Variants in NREP observed in about 807,000 individuals in gnomAD.
The protein encoded by NREP is neuronal regeneration related protein, also known as neuronal regeneration-related protein.
NREP carries 5 observed loss-of-function variants against 8.6 expected under a neutral mutation model. The ratio of observed to expected loss-of-function variants is 0.58; its 90% CI spans 0.30 to 1.22. NREP has a LOEUF of 1.22. NREP is among the 50% of genes most tolerant of loss of function. The pLI, the probability that NREP is intolerant of heterozygous loss-of-function variation, is 0.07. For synonymous variants in NREP, 27 were observed against 28.0 expected (o/e 0.96, Z 0.11); for missense variants, 86 against 82.5 (o/e 1.04, Z -0.17).
chr5:111,770,517 G>A (rs760563930), intron 2 of NREP, among the ~76,000 whole-genome samples: 1 of 141,726 alleles, frequency 7.1e-6, no homozygotes, highest in Non-Finnish European at 1.5e-5. Context: ...TACAGTTTAG[G>A]AATAAAAAAT....
At chr5:111,920,426 C>T (rs1480994082) in intron 2 of NREP, among the ~76,000 whole-genome samples, 1 of 152,066 alleles carries the variant, frequency 6.6e-6, no homozygotes, top group Non-Finnish European at 1.5e-5. Context: ...GCCCTGCATG[C>T]ATTAGCTATT....
chr5:111,795,004 A>G (rs1456479043), intron 2 of NREP, among the ~76,000 whole-genome samples: 1 of 151,294 alleles, frequency 6.6e-6, no homozygotes, highest in Non-Finnish European at 1.5e-5. Flanking sequence ...CTAAAAAAAA[A>G]AAAAAAAGAA....
chr5:111,840,398 T>C (rs961129531), intron 2 of NREP, among the ~76,000 whole-genome samples: 2 of 152,096 alleles, frequency 1.3e-5, no homozygotes, highest in African/African-American at 4.8e-5. Flanking sequence ...ACAGCTACCA[T>C]AGCCATTATG....
intron 2 of NREP, among the ~76,000 whole-genome samples, chr5:111,792,096 T>C (rs1415554933): frequency 6.6e-6 from 1 of 152,210 alleles, no homozygotes. Flanking sequence ...AACTATCTGT[T>C]TCTCTGGAAG....
rs909311852 is a variant in NREP at position 111,928,737 on chromosome 5, A to G, written c.135+46537T>C. On this transcript the variant is annotated intron_variant, in intron 2 of 3. Coordinates refer to the NREP transcript ENST00000395634. ...AATTTAGGATAAGTGAAGTGGGAGG[A>G]AGTCAGCTGCAAAAGGGGAAATGGG... is the stretch of plus-strand genomic sequence containing the variant. Among the ~76,000 whole-genome samples the G allele has an allele frequency of 2.9e-4, 44 of 152,154 alleles. 1 individual carries two copies. The highest frequency in any genetic ancestry group is 1.0e-3 in the African/African-American group (43 of 41,444).
intron 2 of NREP, among the ~76,000 whole-genome samples, chr5:111,954,908 A>C (rs1361472258): frequency 2.6e-5 from 4 of 152,222 alleles, no homozygotes; most frequent in Non-Finnish European, 4.4e-5. Context: ...CCCTTGTTGC[A>C]CATGACTCAT....
intron 2 of NREP, among the ~76,000 whole-genome samples, chr5:111,970,564 G>T (rs1275256567): frequency 1.3e-5 from 2 of 152,036 alleles, no homozygotes; most frequent in Non-Finnish European, 2.9e-5. Flanking sequence ...GGTGGCTTAT[G>T]CCCGTAATCC....
chr5:111,876,638 T>C (rs1405086785), intron 2 of NREP, among the ~76,000 whole-genome samples: 1 of 152,228 alleles, frequency 6.6e-6, no homozygotes, highest in Non-Finnish European at 1.5e-5. Flanking sequence ...AAGACCATCA[T>C]CATTCTCTTA....
At chr5:111,923,649 G>A (rs1304806650) in intron 2 of NREP, among the ~76,000 whole-genome samples, 1 of 152,158 alleles carries the variant, frequency 6.6e-6, no homozygotes, top group Non-Finnish European at 1.5e-5. Flanking sequence ...GGCCACTGCT[G>A]CAACTGCCCA....
chr5:111,847,092 T>C (rs574083323), intron 2 of NREP, among the ~76,000 whole-genome samples: 4 of 151,664 alleles, frequency 2.6e-5, no homozygotes, highest in Non-Finnish European at 1.5e-5. Context: ...ACACATATTT[T>C]AAAATGAAGA....
intron 2 of NREP, among the ~76,000 whole-genome samples, chr5:111,782,258 G>A (rs192273904): frequency 2.0e-5 from 3 of 152,104 alleles, no homozygotes; most frequent in African/African-American, 4.8e-5. Flanking sequence ...CACATGTAGA[G>A]TACAAAAAGT....
chr5:111,870,552 T>A (rs1438269104), intron 2 of NREP, among the ~76,000 whole-genome samples: 1 of 152,236 alleles, frequency 6.6e-6, no homozygotes, highest in African/African-American at 2.4e-5. Context: ...CTTCGGTATG[T>A]CTGGATTGGT....
rs112632103 is a variant in NREP at position 111,952,458 on chromosome 5, T to C, written c.135+22816A>G. Among the ~76,000 whole-genome samples the C allele has an allele frequency of 7.1e-4, 108 of 152,282 alleles. 1 individual carries two copies. Among genetic ancestry groups the C allele is most frequent in the African/African-American group, 2.6e-3 (106 of 41,562 alleles). On this transcript the variant is annotated intron_variant, in intron 2 of 3. Transcript: ENST00000395634. The stretch of plus-strand genomic sequence containing the variant: ...CTTGTGTTGGAATAGCAAGTGTTGA[T>C]TGACCAGTCGAGGTTATTATTATTT...
At chr5:111,748,048 G>A (rs1750119217) in intron 2 of NREP, among the ~76,000 whole-genome samples, 1 of 152,116 alleles carries the variant, frequency 6.6e-6, no homozygotes. Context: ...ATACCCTCAC[G>A]CATAGTGGCG....
At chr5:111,907,289 TGTTA>T (rs1006027773) in intron 2 of NREP, among the ~76,000 whole-genome samples, 1 of 152,152 alleles carries the variant, frequency 6.6e-6, no homozygotes, top group Non-Finnish European at 1.5e-5. Context: ...GATTTTCTCC[TGTTA>T]TACTCTGGTA....
At chr5:111,821,905 G>C (rs770554225) in intron 2 of NREP, among the ~76,000 whole-genome samples, 14 of 152,090 alleles carry the variant, frequency 9.2e-5, no homozygotes, top group Non-Finnish European at 1.8e-4. Context: ...AAAGCATCTT[G>C]TGTTGCAGTA....
chr5:111,872,556 G>A (rs1753814308), intron 2 of NREP, among the ~76,000 whole-genome samples: 1 of 152,138 alleles, frequency 6.6e-6, no homozygotes, highest in African/African-American at 2.4e-5. Flanking sequence ...ACTATTTTAG[G>A]AGGATTGATG....
intron 2 of NREP, among the ~76,000 whole-genome samples, chr5:111,961,354 G>A (rs1420356211): frequency 6.6e-6 from 1 of 152,216 alleles, no homozygotes. Flanking sequence ...AGCACAAAAT[G>A]CAGTATTCTT....
chr5:111,807,602 T>C (rs1752170139), intron 2 of NREP, among the ~76,000 whole-genome samples: 1 of 152,022 alleles, frequency 6.6e-6, no homozygotes, highest in African/African-American at 2.4e-5. Flanking sequence ...TTTTATAAGA[T>C]AGGATTGAGA....
Sources: allele counts gnomAD v4.1 joint callset (sites outside exome capture counted in the v4.1 genomes callset), GRCh38; gene constraint gnomAD v4.1.1; transcripts MANE v1.5; gene names NCBI Gene and HGNC (gene_info 2026-07-23, HGNC 2026-07-21).